TMEM132D: variants seen among roughly 807,000 people sequenced by gnomAD.
The protein encoded by TMEM132D is mature OL transmembrane protein.
Under a neutral mutation model 62.3 loss-of-function variants are expected in TMEM132D, and 21 were observed. The observed-to-expected ratio is 0.34, with a 90% CI of 0.24 to 0.49. The LOEUF (loss-of-function observed/expected upper bound fraction) is 0.49, where lower values mean the gene tolerates loss of function less well. TMEM132D is among the 20% of genes least tolerant of loss of function. TMEM132D has a pLI of 0.99. For synonymous variants in TMEM132D, 621 were observed against 575.6 expected (o/e 1.08, Z -1.13); for missense variants, 1,346 against 1,402.8 (o/e 0.96, Z 0.65).
intron 2 of TMEM132D, among the ~76,000 whole-genome samples, chr12:129,642,682 T>G (rs1440650618): frequency 2.0e-5 from 3 of 152,190 alleles, no homozygotes; most frequent in Non-Finnish European, 4.4e-5. Flanking sequence ...TTCCAAACCT[T>G]AGCTATTCAA....
intron 5 of TMEM132D, among the ~76,000 whole-genome samples, chr12:129,163,605 C>T (rs912204469): frequency 1.3e-5 from 2 of 152,204 alleles, no homozygotes; most frequent in East Asian, 1.9e-4. Context: ...TCTTCATGGA[C>T]AAAGCTTCCC....
chr12:129,273,435 CAAAAA>C (rs36073067), intron 4 of TMEM132D, among the ~76,000 whole-genome samples: 7 of 113,754 alleles, frequency 6.2e-5, no homozygotes, highest in Non-Finnish European at 8.8e-5. Flanking sequence ...ATCAGCCTGT[CAAAAA>C]AAAAAAAAAA....
chr12:129,859,078 TG>T (rs1318456113), intron 1 of TMEM132D, among the ~76,000 whole-genome samples: 1 of 151,898 alleles, frequency 6.6e-6, no homozygotes, highest in South Asian at 2.1e-4. Context: ...GGGAACGGGA[TG>T]GGTGCCCTTA....
intron 1 of TMEM132D, among the ~76,000 whole-genome samples, chr12:129,860,267 A>G (rs1873850420): frequency 6.6e-6 from 1 of 152,252 alleles, no homozygotes. Flanking sequence ...TCATGCTAGA[A>G]CATTCGACAA....
At chr12:129,895,783 A>G (rs557432552) in intron 1 of TMEM132D, among the ~76,000 whole-genome samples, 10 of 151,840 alleles carry the variant, frequency 6.6e-5, no homozygotes, top group African/African-American at 2.4e-4. Context: ...CCAGCATCTA[A>G]GCTGCCCTCC....
chr12:129,405,262 CA>C, intron 3 of TMEM132D, among the ~76,000 whole-genome samples: 1 of 151,968 alleles, frequency 6.6e-6, no homozygotes, highest in South Asian at 2.1e-4. Context: ...TGTGCTTTCA[CA>C]GGGGAGACAG....
At chr12:129,605,816 TAAC>T (rs1878610724) in intron 2 of TMEM132D, among the ~76,000 whole-genome samples, 1 of 151,898 alleles carries the variant, frequency 6.6e-6, no homozygotes, top group Non-Finnish European at 1.5e-5. Context: ...GGTTTGCAGT[TAAC>T]AGCAGCTATA....
chr12:129,632,336 G>C (rs1443332986), intron 2 of TMEM132D, among the ~76,000 whole-genome samples: 1 of 152,098 alleles, frequency 6.6e-6, no homozygotes, highest in Non-Finnish European at 1.5e-5. Context: ...TGGGGGTTTT[G>C]TTTTCTTTTC....
At chr12:129,824,831 C>T (rs943932915) in intron 1 of TMEM132D, among the ~76,000 whole-genome samples, 1 of 152,138 alleles carries the variant, frequency 6.6e-6, no homozygotes, top group African/African-American at 2.4e-5. Flanking sequence ...GTAAGAGGAT[C>T]CTGCTGTCTC....
Position 129,685,300 on chromosome 12 carries a change from C to T in TMEM132D, c.968+14510G>A, listed in dbSNP as rs903662678. ...TGGTTTCTTGGGCTGGGCCCAGGGC[C>T]CCCCTACTGTATGCAGCCTAGGGAA... is the stretch of plus-strand genomic sequence containing the variant. On this transcript the variant is annotated intron_variant, in intron 2 of 8. Transcript: ENST00000422113. Among the ~76,000 whole-genome samples, 3 of 152,140 alleles carry T rather than the reference C, an allele frequency of 2.0e-5. No homozygotes were observed. In the South Asian group the frequency reaches 6.2e-4, roughly 31 times the overall value.
intron 3 of TMEM132D, among the ~76,000 whole-genome samples, chr12:129,468,227 G>T (rs916736680): frequency 6.6e-6 from 1 of 151,800 alleles, no homozygotes; most frequent in Non-Finnish European, 1.5e-5. Context: ...CTTCTGACTC[G>T]GAGGAGTGGC....
At chr12:129,265,170 CA>C (rs1193732428) in intron 4 of TMEM132D, among the ~76,000 whole-genome samples, 2 of 152,152 alleles carry the variant, frequency 1.3e-5, no homozygotes, top group African/African-American at 4.8e-5. Flanking sequence ...AGGGGACAAT[CA>C]TGATGGCCAA....
intron 2 of TMEM132D, among the ~76,000 whole-genome samples, chr12:129,570,913 T>A (rs1424630882): frequency 6.6e-6 from 1 of 152,164 alleles, no homozygotes; most frequent in Admixed American, 6.5e-5. Context: ...CAATGACTCG[T>A]CTGCTGTGGC....
intron 1 of TMEM132D, among the ~76,000 whole-genome samples, chr12:129,775,492 C>T (rs1021149746): frequency 2.6e-5 from 4 of 152,140 alleles, no homozygotes; most frequent in Non-Finnish European, 5.9e-5. Context: ...GGTTGAGTGT[C>T]GCTGCAGTTT....
At chr12:129,717,189 G>A (rs947802068) in intron 1 of TMEM132D, among the ~76,000 whole-genome samples, 11 of 152,234 alleles carry the variant, frequency 7.2e-5, no homozygotes, top group Non-Finnish European at 1.2e-4. Context: ...AAGCACACCC[G>A]TCTTAATCCA....
intron 1 of TMEM132D, among the ~76,000 whole-genome samples, chr12:129,716,089 G>A (rs916674537): frequency 3.7e-4 from 56 of 152,152 alleles, no homozygotes; most frequent in African/African-American, 1.1e-3. Context: ...CACGTGCATC[G>A]TCCTAAAGTC....
intron 3 of TMEM132D, among the ~76,000 whole-genome samples, chr12:129,456,862 T>C (rs1351605527): frequency 6.6e-6 from 1 of 151,914 alleles, no homozygotes; most frequent in African/African-American, 2.4e-5. Context: ...GAAAAGAGAG[T>C]AGGGAGCATC....
At position 129,903,594 on chromosome 12, in the gene TMEM132D, C is replaced by T; in HGVS notation, c.-255G>A. The T allele has an allele frequency of 1.9e-6, 1 of 527,062 alleles. No individual in the cohort carries two copies. Among genetic ancestry groups the T allele is most frequent in the Non-Finnish European group, 3.4e-6 (1 of 297,502 alleles). The allele number at this position is 527,062 out of a possible 1,614,324, so 32.6% of individuals were successfully genotyped here. A position where few individuals can be genotyped will look rare whatever the true frequency, so the allele number is the denominator to read the frequency against. On this transcript the variant is annotated 5_prime_UTR_variant, in exon 1 of 9. Transcript: ENST00000422113. This position sits in a 1 kb window ranked among gnomAD's most constrained non-coding sequence, Gnocchi z 6.2. ...GGCAAACCCCACCTCCCTCCTTCGA[C>T]CCCAACAGAATTTTTTTTAAATTTT...
At chr12:129,826,686 G>A (rs1448834947) in intron 1 of TMEM132D, among the ~76,000 whole-genome samples, 1 of 152,206 alleles carries the variant, frequency 6.6e-6, no homozygotes, top group East Asian at 1.9e-4. Context: ...AAAGCCAACA[G>A]ACAGGGATTG....
Sources: allele counts gnomAD v4.1 joint callset (sites outside exome capture counted in the v4.1 genomes callset), GRCh38; gene constraint gnomAD v4.1.1; non-coding constraint Gnocchi (gnomAD v3.1); transcripts MANE v1.5; gene names NCBI Gene and HGNC (gene_info 2026-07-23, HGNC 2026-07-21).